Variants in GARIN3 observed in about 807,000 individuals in gnomAD.
The protein encoded by GARIN3 is Golgi-associated RAB2 interactor protein 3.
At chr5:157,162,523 TG>T in the GARIN3 span, 1 of 1,614,174 alleles carries the variant, frequency 6.2e-7, no homozygotes, top group East Asian at 2.2e-5. Context: ...CTCCAGCTCC[TG>T]GCCACCCTGG....
chr5:157,162,894 C>G, the GARIN3 span: 1 of 1,614,070 alleles, frequency 6.2e-7, no homozygotes, highest in Non-Finnish European at 8.5e-7. Context: ...TCTTGTCCCC[C>G]GCTCTCCTGC....
At chr5:157,165,726 C>T in the GARIN3 span, 9 of 1,614,050 alleles carry the variant, frequency 5.6e-6, no homozygotes, top group Middle Eastern at 1.6e-4. Flanking sequence ...ATAAAAAGTA[C>T]GGCCAGTGGC....
the GARIN3 span, chr5:157,166,096 T>G: frequency 6.2e-7 from 1 of 1,614,178 alleles, no homozygotes; most frequent in Non-Finnish European, 8.5e-7. Context: ...AGGTCCCCCA[T>G]GGAGGTTTTG....
chr5:157,166,250 C>G, the GARIN3 span: 1 of 1,528,624 alleles, frequency 6.5e-7, no homozygotes, highest in Non-Finnish European at 8.8e-7. Context: ...CTGCCCATCT[C>G]CCTACAGGAC....
At chr5:157,161,998 C>T in the GARIN3 span, 18 of 175,806 alleles carry the variant, frequency 1.0e-4, no homozygotes, top group Non-Finnish European at 2.2e-4. Context: ...CCTGAATATC[C>T]CCTGAGGGGA....
the GARIN3 span, chr5:157,162,329 G>T: frequency 1.3e-5 from 19 of 1,425,496 alleles, no homozygotes; most frequent in South Asian, 5.6e-5. Context: ...GCAGGAGATT[G>T]TATTTCTTTT....
At chr5:157,165,187 A>G in the GARIN3 span, among the ~76,000 whole-genome samples, 1 of 152,240 alleles carries the variant, frequency 6.6e-6, no homozygotes, top group Admixed American at 6.5e-5. Flanking sequence ...ATAGTCACAC[A>G]CACAAAGCTA....
chr5:157,165,026 A>T, the GARIN3 span, among the ~76,000 whole-genome samples: 2 of 152,112 alleles, frequency 1.3e-5, no homozygotes, highest in African/African-American at 4.8e-5. Context: ...TCTCAAAAAA[A>T]AATTGCACAA....
chr5:157,164,045 G>C, the GARIN3 span, among the ~76,000 whole-genome samples: 1 of 150,362 alleles, frequency 6.7e-6, no homozygotes, highest in Admixed American at 6.6e-5. Context: ...CTAGGCAACA[G>C]AGTGAGACAC....
chr5:157,162,508 A>G, the GARIN3 span: 101 of 1,614,090 alleles, frequency 6.3e-5, no homozygotes, highest in South Asian at 8.3e-4. Context: ...AGTGCCACTG[A>G]TCATCTCCAG....
the GARIN3 span, chr5:157,162,482 T>A: frequency 4.3e-6 from 7 of 1,614,116 alleles, no homozygotes; most frequent in East Asian, 1.6e-4. Context: ...ATCATCTCCG[T>A]CTTCTCGGAT....
chr5:157,162,749 T>G, the GARIN3 span: 5 of 1,614,238 alleles, frequency 3.1e-6, no homozygotes, highest in African/African-American at 1.3e-5. Context: ...GACTCCTTTT[T>G]GGTGGAGCTG....
At chr5:157,164,725 C>T in the GARIN3 span, among the ~76,000 whole-genome samples, 2 of 152,070 alleles carry the variant, frequency 1.3e-5, no homozygotes, top group African/African-American at 2.4e-5. Flanking sequence ...TGCTGATTGA[C>T]ACAGAAATCA....
At chr5:157,166,238 A>G in the GARIN3 span, 1 of 1,548,618 alleles carries the variant, frequency 6.5e-7, no homozygotes, top group Non-Finnish European at 8.7e-7. Flanking sequence ...GAGAGAAGGT[A>G]ACTGCCCATC....
the GARIN3 span, chr5:157,161,940 T>A: frequency 6.5e-6 from 1 of 153,710 alleles, no homozygotes; most frequent in Non-Finnish European, 1.4e-5. Flanking sequence ...GAAGAATAGA[T>A]TTCCTATTCT....
the GARIN3 span, among the ~76,000 whole-genome samples, chr5:157,164,967 C>T: frequency 2.6e-5 from 4 of 151,994 alleles, no homozygotes; most frequent in Non-Finnish European, 4.4e-5. Context: ...TGCATTGAGC[C>T]GAGATCGTGC....
At chr5:157,163,442 C>G in the GARIN3 span, 1 of 1,614,092 alleles carries the variant, frequency 6.2e-7, no homozygotes, top group Non-Finnish European at 8.5e-7. Flanking sequence ...GGTCCTGTTG[C>G]TGTTCCTGCC....
At chr5:157,162,434 C>A in the GARIN3 span, 4 of 1,609,406 alleles carry the variant, frequency 2.5e-6, no homozygotes, top group Non-Finnish European at 3.4e-6. Context: ...GCGGTTGTAG[C>A]CCTGGCTCCT....
chr5:157,162,978 C>T, the GARIN3 span: 3 of 1,614,206 alleles, frequency 1.9e-6, no homozygotes, highest in Non-Finnish European at 2.5e-6. Flanking sequence ...CTCTTCTTTC[C>T]TTGTTTTCAT....
Sources: gnomAD v4.1 joint callset for allele counts (sites outside exome capture counted in the v4.1 genomes callset) on GRCh38, gnomAD v4.1.1 for gene constraint, MANE v1.5 for transcripts, NCBI Gene and HGNC (gene_info 2026-07-23, HGNC 2026-07-21) for gene names.